Variants in CSMD1 observed in about 807,000 individuals in gnomAD.
CSMD1 encodes CUB and sushi domain-containing protein 1.
In CSMD1, 213 loss-of-function variants were observed where a neutral mutation model predicts 417.5. The ratio of observed to expected loss-of-function variants is 0.51; its 90% CI spans 0.46 to 0.57. The LOEUF (loss-of-function observed/expected upper bound fraction) is 0.57, where lower values mean the gene tolerates loss of function less well. Among genes scored for constraint, CSMD1 ranks in the 20% least tolerant of loss-of-function variants. The probability of loss-of-function intolerance (pLI) is 0.00; values close to 1 mark genes in which losing one functional copy is unlikely to be tolerated. For synonymous variants in CSMD1, 2,862 were observed against 1,736.8 expected, an observed-to-expected ratio of 1.65 and a Z score of -16.11; for missense variants, 6,923 against 4,529.7, an observed-to-expected ratio of 1.53 and a Z score of -15.17.
chr8:4,292,234 T>G (rs932259498), intron 3 of CSMD1, among the ~76,000 whole-genome samples: 1 of 152,008 alleles, frequency 6.6e-6, no homozygotes, highest in African/African-American at 2.4e-5. Flanking sequence ...CAAAGAATTT[T>G]GTTGTCGTCG....
intron 1 of CSMD1, among the ~76,000 whole-genome samples, chr8:4,973,161 A>G (rs748388666): frequency 1.2e-4 from 19 of 152,184 alleles, no homozygotes; most frequent in Non-Finnish European, 1.3e-4. Flanking sequence ...TAATTATCCA[A>G]TATCTTGCAG....
At chr8:4,644,005 T>A (rs942166657) in intron 1 of CSMD1, among the ~76,000 whole-genome samples, 1 of 152,176 alleles carries the variant, frequency 6.6e-6, no homozygotes. Context: ...CAAACACTTA[T>A]GGGAGATTAC....
At chr8:3,909,958 A>C (rs1254937201) in intron 5 of CSMD1, among the ~76,000 whole-genome samples, 2 of 152,118 alleles carry the variant, frequency 1.3e-5, no homozygotes, top group Admixed American at 1.3e-4. Flanking sequence ...TTTTTGACTG[A>C]TATGCAGACA....
intron 12 of CSMD1, among the ~76,000 whole-genome samples, chr8:3,442,239 G>A (rs1268925328): frequency 3.3e-5 from 5 of 152,114 alleles, no homozygotes; most frequent in African/African-American, 1.2e-4. Context: ...AGTAAGCTAA[G>A]GTTAATTTAT....
chr8:4,597,209 T>C (rs118119825), intron 2 of CSMD1, among the ~76,000 whole-genome samples: 5,080 of 152,248 alleles, frequency 0.033, 152 homozygotes, highest in Admixed American at 0.085. Flanking sequence ...AATGAAATAA[T>C]AAAGTGTGTA....
At chr8:4,411,585 A>G (rs527883875) in intron 3 of CSMD1, among the ~76,000 whole-genome samples, 8 of 152,186 alleles carry the variant, frequency 5.3e-5, no homozygotes, top group South Asian at 2.1e-4. Context: ...AATGAGCTAA[A>G]TAACAGTTAT....
intron 2 of CSMD1, among the ~76,000 whole-genome samples, chr8:4,622,806 A>T (rs531407397): frequency 2.0e-4 from 30 of 152,186 alleles, no homozygotes; most frequent in Non-Finnish European, 3.4e-4. Flanking sequence ...AGAAGGCACA[A>T]AAGGGAAAGT....
intron 3 of CSMD1, among the ~76,000 whole-genome samples, chr8:4,194,318 G>T (rs891343546): frequency 1.3e-5 from 2 of 152,052 alleles, no homozygotes; most frequent in South Asian, 2.1e-4. Context: ...CTATAGGATG[G>T]GATTTAGAAG....
chr8:3,943,177 A>G lies in CSMD1; in HGVS notation c.818+54726T>C, dbSNP rs145614448. Among the ~76,000 whole-genome samples the G allele has an allele frequency of 7.2e-4, 110 of 152,246 alleles. 2 individuals are homozygous for G. The South Asian group carries it at 0.014, about 20-fold the overall frequency. ...TGATAAATAATATAAAAATGACTCA[A>G]TTGAGGATGTTTCCTGGTGTTCGAT... On this transcript the variant is annotated intron_variant, in intron 5 of 69. Coordinates refer to ENST00000635120, the MANE Select transcript of CSMD1 (RefSeq NM_033225.6).
intron 1 of CSMD1, among the ~76,000 whole-genome samples, chr8:4,850,601 C>T (rs1164169166): frequency 1.3e-5 from 2 of 152,000 alleles, no homozygotes; most frequent in Non-Finnish European, 2.9e-5. Flanking sequence ...TCCTCTCTTC[C>T]TCATCACTTA....
At chr8:4,321,366 A>T (rs1435309886) in intron 3 of CSMD1, among the ~76,000 whole-genome samples, 1 of 152,108 alleles carries the variant, frequency 6.6e-6, no homozygotes, top group Non-Finnish European at 1.5e-5. Context: ...TGGCAGTTAA[A>T]GCATAAGAAC....
At chr8:4,322,299 T>A (rs1799314458) in intron 3 of CSMD1, among the ~76,000 whole-genome samples, 1 of 151,554 alleles carries the variant, frequency 6.6e-6, no homozygotes, top group Admixed American at 6.6e-5. Flanking sequence ...AATTTCATGT[T>A]ATCTGCATAT....
chr8:4,106,125 G>C (rs1456825112), intron 3 of CSMD1, among the ~76,000 whole-genome samples: 1 of 152,210 alleles, frequency 6.6e-6, no homozygotes, highest in African/African-American at 2.4e-5. Context: ...GAGGGAAAGT[G>C]ACCATCGATT....
chr8:3,315,862 T>C (rs376256633), intron 23 of CSMD1, among the ~76,000 whole-genome samples: 13 of 152,290 alleles, frequency 8.5e-5, no homozygotes, highest in African/African-American at 3.1e-4. Flanking sequence ...AATGAGTCAA[T>C]CTTGAAACAT....
chr8:3,371,939 GC>G (rs1809979984), intron 18 of CSMD1, among the ~76,000 whole-genome samples: 2 of 152,188 alleles, frequency 1.3e-5, no homozygotes, highest in Non-Finnish European at 2.9e-5. Flanking sequence ...TTGGGCACCT[GC>G]TATTGAGCAA....
intron 23 of CSMD1, among the ~76,000 whole-genome samples, chr8:3,324,607 C>A (rs116658266): frequency 0.032 from 4,633 of 143,390 alleles, 185 homozygotes; most frequent in East Asian, 0.14. Flanking sequence ...AGTTTCCTTC[C>A]CCCCACCTTT....
intron 7 of CSMD1, among the ~76,000 whole-genome samples, chr8:3,650,300 G>C (rs1243271427): frequency 1.3e-5 from 2 of 151,616 alleles, no homozygotes; most frequent in Non-Finnish European, 1.5e-5. Flanking sequence ...GAAAAGTAAA[G>C]AAAAAAGAAA....
chr8:4,606,014 C>T (rs941849296), intron 2 of CSMD1, among the ~76,000 whole-genome samples: 1 of 152,096 alleles, frequency 6.6e-6, no homozygotes, highest in African/African-American at 2.4e-5. Context: ...GCCCAGACAC[C>T]AAGCTGACAG....
intron 16 of CSMD1, among the ~76,000 whole-genome samples, chr8:3,398,611 G>A (rs1315251114): frequency 4.6e-5 from 7 of 152,124 alleles, no homozygotes; most frequent in Non-Finnish European, 8.8e-5. Context: ...GTCTAGTCAA[G>A]AAGAAGGTCA....
Sources: allele counts gnomAD v4.1 joint callset (sites outside exome capture counted in the v4.1 genomes callset), GRCh38; gene constraint gnomAD v4.1.1; transcripts MANE v1.5; gene names NCBI Gene and HGNC (gene_info 2026-07-23, HGNC 2026-07-21).